PKD1L1: variants seen among roughly 807,000 people sequenced by gnomAD.
PKD1L1 encodes the protein polycystin-1-like protein 1.
Under a neutral mutation model 323.4 loss-of-function variants are expected in PKD1L1, and 236 were observed. The ratio of observed to expected loss-of-function variants is 0.73; its 90% CI spans 0.66 to 0.81. The LOEUF is 0.81. PKD1L1 is among the 40% of genes least tolerant of loss of function. The probability of loss-of-function intolerance (pLI) is 0.00; values close to 1 mark genes in which losing one functional copy is unlikely to be tolerated. For missense variants in PKD1L1, 3,320 were observed against 3,508.0 expected (o/e 0.95, Z 1.35); for synonymous variants, 1,344 against 1,335.0 (o/e 1.01, Z -0.15).
At position 47,792,719 on chromosome 7, in the gene PKD1L1, G is replaced by A. The variant is rs1786978865; in HGVS notation, c.8434C>T (p.Leu2812Phe). The change falls in exon 56 of 57, where the codon CTC becomes TTC. Residue 2812 changes from leucine to phenylalanine, a missense_variant. Coordinates refer to ENST00000289672, the MANE Select transcript of PKD1L1 (RefSeq NM_138295.5). ...KINGLSDSLQ[L>F]PLLEKTSNNT... ...TTGGATGTTTTTTCCAGAAGGGGGA[G>A]TTGTAGGCTGTCGGACAAACCATTA... 1 of 1,614,090 alleles carries A rather than the reference G, an allele frequency of 6.2e-7. No individual in the cohort carries two copies. The highest frequency in any genetic ancestry group is 8.5e-7 in the Non-Finnish European group (1 of 1,179,960).
chr7:47,797,213 C>T (rs1157415743), intron 54 of PKD1L1, among the ~76,000 whole-genome samples: 4 of 152,186 alleles, frequency 2.6e-5, no homozygotes, highest in Non-Finnish European at 5.9e-5. Flanking sequence ...CTCTGCTGCC[C>T]CTCTCCCCTG....
At chr7:47,860,815 G>GA (rs56260642) in intron 26 of PKD1L1, among the ~76,000 whole-genome samples, 2 of 151,578 alleles carry the variant, frequency 1.3e-5, no homozygotes, top group Non-Finnish European at 2.9e-5. Context: ...ATGCACAAGA[G>GA]GGACAATGGC....
intron 56 of PKD1L1, among the ~76,000 whole-genome samples, chr7:47,788,098 C>T (rs1012218226): frequency 6.6e-6 from 1 of 151,872 alleles, no homozygotes; most frequent in Non-Finnish European, 1.5e-5. Context: ...ATAATACTGA[C>T]ATTTAACTTG....
At chr7:47,890,373 T>C (rs1047274559) in intron 16 of PKD1L1, among the ~76,000 whole-genome samples, 169 bp downstream of exon 16, 1 of 152,236 alleles carries the variant, frequency 6.6e-6, no homozygotes, top group Non-Finnish European at 1.5e-5. Context: ...CGGGGACTGC[T>C]TCCCCAGCCG....
At chr7:47,881,255 CAG>C (rs1182846997) in intron 20 of PKD1L1, among the ~76,000 whole-genome samples, 1 of 152,176 alleles carries the variant, frequency 6.6e-6, no homozygotes, top group Admixed American at 6.5e-5. Context: ...ACTTCCTTAG[CAG>C]AGAGAGGCTG....
At chr7:47,960,611 G>T in the PKD1L1 span, among the ~76,000 whole-genome samples, 1 of 150,570 alleles carries the variant, frequency 6.6e-6, no homozygotes, top group East Asian at 1.9e-4. Flanking sequence ...TGTGACGGTA[G>T]ATTATTTCAG....
At chr7:47,901,662 G>A (rs1480395713) in intron 13 of PKD1L1, among the ~76,000 whole-genome samples, 1 of 152,194 alleles carries the variant, frequency 6.6e-6, no homozygotes, top group African/African-American at 2.4e-5. Flanking sequence ...CTGTGTGGGG[G>A]CCGGGACCCT....
In PKD1L1 at chr7:47,880,265, CAT is replaced by C. The variant is rs1223516389; in HGVS notation, c.3520+461_3520+462del. Among the ~76,000 whole-genome samples the C allele has an allele frequency of 3.6e-3, 273 of 75,580 alleles. 10 individuals carry two copies. Among genetic ancestry groups the C allele is most frequent in the Middle Eastern group, 0.029 (4 of 140 alleles). 49.6% of individuals were successfully genotyped at this position (75,580 alleles called of 152,430 possible). On this transcript the variant is annotated intron_variant, in intron 21 of 56. Coordinates refer to ENST00000289672, the MANE Select transcript of PKD1L1 (RefSeq NM_138295.5). ...TAAATAAGATATATATATATATATA[CAT>C]ATATATATATATATATATTTTTTTT...
chr7:47,796,908 A>G (rs899219736), intron 54 of PKD1L1, among the ~76,000 whole-genome samples: 4 of 151,236 alleles, frequency 2.6e-5, no homozygotes, highest in Admixed American at 6.6e-5. Flanking sequence ...GCTGAGGCAG[A>G]AGAATGGCGT....
intron 8 of PKD1L1, among the ~76,000 whole-genome samples, chr7:47,909,700 A>T (rs780167569): frequency 8.5e-5 from 13 of 152,260 alleles, no homozygotes; most frequent in Non-Finnish European, 1.9e-4. Context: ...ACAATGTGCT[A>T]TAGGCCTAGA....
At chr7:47,882,854 T>C (rs1786594542) in intron 19 of PKD1L1, among the ~76,000 whole-genome samples, 1 of 152,140 alleles carries the variant, frequency 6.6e-6, no homozygotes, top group Non-Finnish European at 1.5e-5. Context: ...AAGAGTCCTC[T>C]GCCTGTCATG....
intron 24 of PKD1L1, among the ~76,000 whole-genome samples, chr7:47,868,999 A>G (rs79308827): frequency 0.021 from 3,273 of 152,340 alleles, 62 homozygotes; most frequent in Middle Eastern, 0.041. Context: ...GAGGAAATGG[A>G]TCTATAGAGG....
chr7:47,819,756 A>G (rs1428719136), intron 46 of PKD1L1: 12 of 345,934 alleles, frequency 3.5e-5, no homozygotes, highest in Non-Finnish European at 6.0e-5. Flanking sequence ...CAAAGGGGAC[A>G]ATATCCATTA....
intron 4 of PKD1L1, among the ~76,000 whole-genome samples, chr7:47,933,019 G>C (rs1787801253): frequency 6.6e-6 from 1 of 152,208 alleles, no homozygotes; most frequent in African/African-American, 2.4e-5. Context: ...TTAGCATGGA[G>C]CTCAGAGAAT....
At chr7:47,785,438 A>C (rs1483308470) in intron 56 of PKD1L1, among the ~76,000 whole-genome samples, 1 of 152,156 alleles carries the variant, frequency 6.6e-6, no homozygotes, top group Admixed American at 6.5e-5. Context: ...TGAAAGTGTT[A>C]ATAGTCTCTA....
chr7:47,830,085 C>G lies in PKD1L1; in HGVS notation c.6513G>C (p.Leu2171=). 6.2e-7 allele frequency: 1 copy of G among 1,614,164 alleles called. No homozygotes were observed. The highest frequency in any genetic ancestry group is 8.5e-7 in the Non-Finnish European group (1 of 1,180,028). The change falls in exon 43 of 57, where the codon CTG becomes CTC. Residue 2171 remains leucine (L), a synonymous_variant. Coordinates refer to ENST00000289672, the MANE Select transcript of PKD1L1 (RefSeq NM_138295.5). ...QEQCVQWLHL[L]SLSVVCCIFI... is the part of the protein sequence containing the mutation. ...AAATACAGCAGACCACGGAGAGGGACAGCAGGTGCAGCCACTGCACACATT... is the reference window on the plus strand; with the variant it reads ...AAATACAGCAGACCACGGAGAGGGAGAGCAGGTGCAGCCACTGCACACATT...
intron 39 of PKD1L1, among the ~76,000 whole-genome samples, 198 bp from the exon 40 acceptor site, chr7:47,834,583 G>A (rs1785417870): frequency 6.6e-6 from 1 of 152,146 alleles, no homozygotes; most frequent in South Asian, 2.1e-4. Context: ...ATGTTGGCTT[G>A]GGCAACCCTC....
At chr7:47,918,667 C>G (rs549104075) in intron 7 of PKD1L1, among the ~76,000 whole-genome samples, 2 of 152,170 alleles carry the variant, frequency 1.3e-5, no homozygotes, top group African/African-American at 4.8e-5. Context: ...GTATCAAGCA[C>G]TCTCTCAGAC....
chr7:47,935,070 G>A (rs1173721325), intron 4 of PKD1L1, among the ~76,000 whole-genome samples: 1 of 152,228 alleles, frequency 6.6e-6, no homozygotes, highest in Admixed American at 6.5e-5. Flanking sequence ...GGCCTCAGCA[G>A]AGAGACAAGA....
Sources: gnomAD v4.1 joint callset for allele counts (sites outside exome capture counted in the v4.1 genomes callset) on GRCh38, gnomAD v4.1.1 for gene constraint, MANE v1.5 for transcripts, NCBI Gene and HGNC (gene_info 2026-07-23, HGNC 2026-07-21) for gene names.